NRG1: variants seen among roughly 807,000 people sequenced by gnomAD.
NRG1 encodes the protein pro-neuregulin-1, membrane-bound isoform.
In NRG1, 18 loss-of-function variants were observed where a neutral mutation model predicts 63.8. The ratio of observed to expected loss-of-function variants is 0.28; its 90% CI spans 0.19 to 0.42. The LOEUF (loss-of-function observed/expected upper bound fraction) is 0.42, where lower values mean the gene tolerates loss of function less well. Among genes scored for constraint, NRG1 ranks in the 10% least tolerant of loss-of-function variants. NRG1 has a pLI of 1.00. For synonymous variants in NRG1, 302 were observed against 301.3 expected, an observed-to-expected ratio of 1.00 and a Z score of -0.02; for missense variants, 762 against 814.7, an observed-to-expected ratio of 0.94 and a Z score of 0.79.
At chr8:32,227,766 C>A (rs1316566585) in intron 1 of NRG1, among the ~76,000 whole-genome samples, 1 of 152,168 alleles carries the variant, frequency 6.6e-6, no homozygotes, top group Non-Finnish European at 1.5e-5. Flanking sequence ...TTCTTTCTGG[C>A]CCCCTGCTTC....
In NRG1 at chr8:32,349,976, A is replaced by G. The variant is rs189893065; in HGVS notation, c.38-245852A>G. Among the ~76,000 whole-genome samples, 248 of 152,282 alleles carry G rather than the reference A, an allele frequency of 1.6e-3. 1 individual carries two copies. The highest frequency in any genetic ancestry group is 2.3e-3 in the Non-Finnish European group (155 of 68,022). On this transcript the variant is annotated intron_variant, in intron 1 of 10. Transcript: ENST00000519301. ...TCCTTTTCTGCAGAAGTGTACTTGCATCAACAAATCTTTTTCCTCTCAGGT... is the reference window on the plus strand; with the variant it reads ...TCCTTTTCTGCAGAAGTGTACTTGCGTCAACAAATCTTTTTCCTCTCAGGT...
At chr8:32,525,834 G>A (rs1203852244) in intron 1 of NRG1, among the ~76,000 whole-genome samples, 1 of 151,984 alleles carries the variant, frequency 6.6e-6, no homozygotes, top group African/African-American at 2.4e-5. Context: ...TTCTTTATAG[G>A]AGCATAGATT....
chr8:32,437,344 C>T (rs73675186), intron 1 of NRG1, among the ~76,000 whole-genome samples: 3,261 of 152,046 alleles, frequency 0.021, 117 homozygotes, highest in African/African-American at 0.074. Flanking sequence ...TTGTTTTTGT[C>T]ATTGCACTCA....
chr8:32,327,195 A>G (rs1400923429), intron 1 of NRG1, among the ~76,000 whole-genome samples: 1 of 152,312 alleles, frequency 6.6e-6, no homozygotes, highest in African/African-American at 2.4e-5. Flanking sequence ...AACCTGAATC[A>G]GAATAGAGAG....
chr8:31,794,190 A>G (rs949152694), intron 1 of NRG1, among the ~76,000 whole-genome samples: 1 of 152,062 alleles, frequency 6.6e-6, no homozygotes, highest in African/African-American at 2.4e-5. Context: ...TTTCCAGATG[A>G]CCCAAATCTC....
chr8:32,646,047 T>G (rs1276404514), intron 5 of NRG1, among the ~76,000 whole-genome samples: 1 of 152,228 alleles, frequency 6.6e-6, no homozygotes, highest in African/African-American at 2.4e-5. Flanking sequence ...TCCAAACCTC[T>G]GCAGTGTGGA....
At chr8:31,719,841 ATT>A (rs141147282) in intron 1 of NRG1, among the ~76,000 whole-genome samples, 117 of 149,986 alleles carry the variant, frequency 7.8e-4, no homozygotes, top group Middle Eastern at 3.4e-3. Context: ...TGGGATTATG[ATT>A]TTTTTTTTTA....
chr8:32,399,737 A>T (rs1812926816), intron 1 of NRG1, among the ~76,000 whole-genome samples: 1 of 152,196 alleles, frequency 6.6e-6, no homozygotes, highest in Admixed American at 6.5e-5. Context: ...GTAGAAAAAA[A>T]GTCATAACTT....
At chr8:31,704,901 T>C (rs544781248) in intron 1 of NRG1, among the ~76,000 whole-genome samples, 2 of 152,242 alleles carry the variant, frequency 1.3e-5, no homozygotes, top group African/African-American at 4.8e-5. Context: ...GTGACTTTTC[T>C]TTAACTCACC....
chr8:32,388,831 A>G (rs1286984479), intron 1 of NRG1, among the ~76,000 whole-genome samples: 6 of 151,782 alleles, frequency 4.0e-5, no homozygotes, highest in South Asian at 2.1e-4. Flanking sequence ...TTTGGGGGGG[A>G]AATAGGAATG....
downstream of NRG1, among the ~76,000 whole-genome samples, chr8:32,769,340 T>A (rs1589676773): frequency 6.6e-6 from 1 of 152,130 alleles, no homozygotes; most frequent in South Asian, 2.1e-4. Context: ...CCAGATTGAA[T>A]GTCTGGATAA....
chr8:32,656,022 G>A (rs1801405993), intron 5 of NRG1, among the ~76,000 whole-genome samples: 1 of 152,058 alleles, frequency 6.6e-6, no homozygotes, highest in African/African-American at 2.4e-5. Flanking sequence ...TAACGTCTAT[G>A]AGTTGTTTTC....
At chr8:31,831,728 T>G (rs1474305217) in intron 1 of NRG1, among the ~76,000 whole-genome samples, 3 of 152,174 alleles carry the variant, frequency 2.0e-5, no homozygotes, top group Non-Finnish European at 4.4e-5. Flanking sequence ...TAGAAGAGGA[T>G]AGTTGATATT....
At chr8:32,125,865 C>A (rs1050314022) in intron 1 of NRG1, among the ~76,000 whole-genome samples, 3 of 151,986 alleles carry the variant, frequency 2.0e-5, no homozygotes, top group Non-Finnish European at 4.4e-5. Flanking sequence ...AACCTTGTCA[C>A]AATATGATTT....
At chr8:32,043,977 G>A (rs894556894) in intron 1 of NRG1, among the ~76,000 whole-genome samples, 40 of 151,894 alleles carry the variant, frequency 2.6e-4, no homozygotes, top group African/African-American at 9.2e-4. Flanking sequence ...AATGTAAATG[G>A]TCTAAAGGGC....
intron 1 of NRG1, among the ~76,000 whole-genome samples, chr8:32,286,525 G>C (rs1292173867): frequency 1.3e-5 from 2 of 152,216 alleles, no homozygotes; most frequent in East Asian, 1.9e-4. Context: ...GAGGTGTGTG[G>C]GTCATGGGGG....
At chr8:32,700,667 G>T (rs1436074157) in intron 5 of NRG1, among the ~76,000 whole-genome samples, 1 of 152,138 alleles carries the variant, frequency 6.6e-6, no homozygotes, top group Non-Finnish European at 1.5e-5. Flanking sequence ...TTGTATCTAT[G>T]AATAGAAGGA....
At chr8:32,504,163 G>C (rs924129545) in intron 1 of NRG1, among the ~76,000 whole-genome samples, 14 of 152,132 alleles carry the variant, frequency 9.2e-5, no homozygotes, top group Admixed American at 9.2e-4. Flanking sequence ...AGCAGTTTCA[G>C]GCTCTTCCTA....
chr8:32,244,609 G>C (rs1482399033), intron 1 of NRG1, among the ~76,000 whole-genome samples: 1 of 152,138 alleles, frequency 6.6e-6, no homozygotes, highest in Non-Finnish European at 1.5e-5. Flanking sequence ...TAGAAGCATA[G>C]GGATTAGGTC....
Sources: gnomAD v4.1 joint callset for allele counts (sites outside exome capture counted in the v4.1 genomes callset) on GRCh38, gnomAD v4.1.1 for gene constraint, MANE v1.5 for transcripts, NCBI Gene and HGNC (gene_info 2026-07-23, HGNC 2026-07-21) for gene names.